The following ADGRB3 variants were observed in gnomAD, a reference collection of about 807,000 sequenced individuals.
ADGRB3 encodes adhesion G protein-coupled receptor B3.
A neutral mutation model predicts 193.4 loss-of-function variants in ADGRB3; 37 were observed. The ratio of observed to expected loss-of-function variants is 0.19; its 90% CI spans 0.15 to 0.25. The LOEUF (loss-of-function observed/expected upper bound fraction) is 0.25, where lower values mean the gene tolerates loss of function less well. Among genes scored for constraint, ADGRB3 ranks in the 10% least tolerant of loss-of-function variants. ADGRB3 has a pLI of 1.00. For synonymous variants in ADGRB3, 690 were observed against 644.2 expected (o/e 1.07, Z -1.08); for missense variants, 1,637 against 1,852.9 (o/e 0.88, Z 2.14).
At chr6:69,364,785 A>G (rs1769533834) in intron 29 of ADGRB3, among the ~76,000 whole-genome samples, 1 of 152,120 alleles carries the variant, frequency 6.6e-6, no homozygotes, top group Non-Finnish European at 1.5e-5. Flanking sequence ...TTAGTCATTT[A>G]CCTTCAATTA....
chr6:68,893,248 T>C (rs1238601161), intron 3 of ADGRB3, among the ~76,000 whole-genome samples: 1 of 152,082 alleles, frequency 6.6e-6, no homozygotes, highest in Non-Finnish European at 1.5e-5. Flanking sequence ...TTTATTTTCA[T>C]AGAGTTTGTG....
chr6:68,892,163 A>G (rs1434675635), intron 3 of ADGRB3, among the ~76,000 whole-genome samples: 1 of 151,900 alleles, frequency 6.6e-6, no homozygotes, highest in Non-Finnish European at 1.5e-5. Flanking sequence ...ACTGAAATCA[A>G]TTTTCCACTC....
chr6:69,309,886 T>G (rs1768146822), intron 20 of ADGRB3, among the ~76,000 whole-genome samples: 1 of 151,614 alleles, frequency 6.6e-6, no homozygotes, highest in Admixed American at 6.6e-5. Flanking sequence ...AAGAATAATT[T>G]TCATCCACTT....
chr6:68,770,876 A>G (rs1189234685), intron 3 of ADGRB3, among the ~76,000 whole-genome samples: 1 of 152,066 alleles, frequency 6.6e-6, no homozygotes, highest in Non-Finnish European at 1.5e-5. Flanking sequence ...TTGTTTTGTG[A>G]CATTAGGGAA....
At chr6:69,105,497 G>A (rs183522532) in intron 17 of ADGRB3, among the ~76,000 whole-genome samples, 7 of 152,024 alleles carry the variant, frequency 4.6e-5, no homozygotes, top group Admixed American at 1.3e-4. Flanking sequence ...GGCCTACATC[G>A]CCCTCTGCCT....
At chr6:68,999,335 G>A (rs1052091634) in intron 11 of ADGRB3, among the ~76,000 whole-genome samples, 28 of 147,476 alleles carry the variant, frequency 1.9e-4, no homozygotes, top group African/African-American at 5.8e-4. Flanking sequence ...CGAGATCTTC[G>A]CTCACTGCAA....
intron 15 of ADGRB3, 138 bp downstream of exon 15, chr6:69,049,484 T>A: frequency 1.7e-6 from 1 of 601,346 alleles, no homozygotes; most frequent in Non-Finnish European, 2.7e-6. Flanking sequence ...AATACAAATT[T>A]AATGAACAGG....
chr6:68,999,497 C>G (rs895355935), intron 11 of ADGRB3, among the ~76,000 whole-genome samples: 1 of 152,142 alleles, frequency 6.6e-6, no homozygotes, highest in Non-Finnish European at 1.5e-5. Flanking sequence ...ATCTCCTGAC[C>G]TCGTGATCTG....
chr6:69,361,409 A>T lies in ADGRB3; in HGVS notation c.4136A>T (p.Glu1379Val), dbSNP rs1015050706. The change falls in exon 29 of 32, where the codon GAA (glutamate) becomes GTA (valine). Residue 1379 changes from glutamate (E) to valine (V), a missense_variant. Physicochemically the swap from Glu to Val is moderately radical, Grantham distance 121. Around this residue, in one of 7 missense-constraint regions of ADGRB3, gnomAD observed 368 missense variants for 367.4 expected, o/e 1.00. Transcript: ENST00000370598. ...GAACATATGCAGAATTTGCCCTTTG[A>T]ACCTCGCACAGCTGTGAAGAATTTC... is the stretch of plus-strand genomic sequence containing the variant. ...PQEHMQNLPFEPRTAVKNFMA... is the reference protein window; with the variant it reads ...PQEHMQNLPFVPRTAVKNFMA... 1 of 1,612,988 alleles carries T rather than the reference A, an allele frequency of 6.2e-7. No homozygotes were observed. Among genetic ancestry groups the T allele is most frequent in the South Asian group, 1.1e-5 (1 of 91,062 alleles).
In ADGRB3 at chr6:69,229,957, G is replaced by C. The variant is rs140846632; in HGVS notation, c.2481-3333G>C. On this transcript the variant is annotated intron_variant, in intron 17 of 31. Coordinates refer to ENST00000370598, the MANE Select transcript of ADGRB3 (RefSeq NM_001704.3). ...TTTGAATATGTACTTTTGAATACTTGGGACAGGAAGGCTCCTTCTGTTAGC... is the reference window on the plus strand; with the variant it reads ...TTTGAATATGTACTTTTGAATACTTCGGACAGGAAGGCTCCTTCTGTTAGC... Among the ~76,000 whole-genome samples the C allele has an allele frequency of 2.6e-3, 391 of 152,166 alleles. 1 individual carries two copies. The highest frequency in any genetic ancestry group is 9.3e-3 in the African/African-American group (384 of 41,510).
At chr6:69,004,662 T>C (rs956010739) in intron 11 of ADGRB3, among the ~76,000 whole-genome samples, 6 of 148,312 alleles carry the variant, frequency 4.0e-5, no homozygotes, top group African/African-American at 4.9e-5. Flanking sequence ...GAACATGCGG[T>C]GTTAAGGACA....
At position 68,842,129 on chromosome 6, in the gene ADGRB3, A is replaced by G. The variant is rs556078143; in HGVS notation, c.758-88430A>G. Among the ~76,000 whole-genome samples the G allele has an allele frequency of 5.9e-5, 9 of 152,112 alleles. No individual in the cohort carries two copies. The South Asian group carries it at 6.2e-4, about 11-fold the overall frequency. ...CCTATATCAAAGTATTTCATTTAAC[A>G]TATAACTATATACATCTACTAAGTA... On this transcript the variant is annotated intron_variant, in intron 3 of 31. Transcript: ENST00000370598.
intron 20 of ADGRB3, among the ~76,000 whole-genome samples, chr6:69,316,423 A>G (rs1033354843): frequency 4.0e-5 from 6 of 151,524 alleles, no homozygotes; most frequent in Non-Finnish European, 5.9e-5. Context: ...CATTACACAC[A>G]ATCATATATT....
intron 13 of ADGRB3, among the ~76,000 whole-genome samples, chr6:69,026,049 G>A (rs1485143117): frequency 6.6e-6 from 1 of 152,126 alleles, no homozygotes; most frequent in Non-Finnish European, 1.5e-5. Flanking sequence ...GCTTTAAGAG[G>A]TCTCAGACAA....
chr6:69,344,853 G>A (rs991974496), intron 26 of ADGRB3, among the ~76,000 whole-genome samples: 6 of 152,180 alleles, frequency 3.9e-5, no homozygotes, highest in East Asian at 1.9e-4. Context: ...GTTTCTGGTA[G>A]AGGAAGATGG....
chr6:69,076,095 G>T, intron 17 of ADGRB3, 57 bp downstream of exon 17: 1 of 1,479,442 alleles, frequency 6.8e-7, no homozygotes, highest in Non-Finnish European at 9.4e-7. Flanking sequence ...AGCACATTAA[G>T]TTAGTTCAGC....
At chr6:68,763,392 T>G (rs1766449734) in intron 3 of ADGRB3, among the ~76,000 whole-genome samples, 1 of 152,212 alleles carries the variant, frequency 6.6e-6, no homozygotes, top group African/African-American at 2.4e-5. Flanking sequence ...GCCTGGCCAC[T>G]TCTTTTAACT....
At chr6:68,961,569 A>G (rs560887246) in intron 8 of ADGRB3, among the ~76,000 whole-genome samples, 5 of 152,276 alleles carry the variant, frequency 3.3e-5, no homozygotes, top group Admixed American at 2.6e-4. Flanking sequence ...CTACTGATAC[A>G]AATATTTTTG....
chr6:69,052,841 G>C (rs1219356765), intron 15 of ADGRB3, among the ~76,000 whole-genome samples: 2 of 152,190 alleles, frequency 1.3e-5, no homozygotes, highest in Admixed American at 1.3e-4. Context: ...CTAAATATGT[G>C]TTATTCTCAG....
Sources: allele counts gnomAD v4.1 joint callset (sites outside exome capture counted in the v4.1 genomes callset), GRCh38; gene constraint gnomAD v4.1.1; regional missense constraint gnomAD v4.1.1; transcripts MANE v1.5; gene names NCBI Gene and HGNC (gene_info 2026-07-23, HGNC 2026-07-21).